Variants in SLC38A11 observed in about 807,000 individuals in gnomAD.
SLC38A11 encodes solute carrier family 38 member 11, also known as putative sodium-coupled neutral amino acid transporter 11.
SLC38A11 carries 51 observed loss-of-function variants against 49.4 expected under a neutral mutation model. That is an observed-to-expected ratio of 1.03 (90% confidence interval 0.83 to 1.30). The LOEUF is 1.30. Among genes scored for constraint, SLC38A11 ranks in the 50% most tolerant of loss-of-function variants. SLC38A11 has a pLI of 0.00. For missense variants in SLC38A11, 574 were observed against 556.2 expected (o/e 1.03, Z -0.32); for synonymous variants, 203 against 192.9 (o/e 1.05, Z -0.43).
At chr2:164,933,342 A>G (rs1573966324) in intron 7 of SLC38A11, among the ~76,000 whole-genome samples, 1 of 152,082 alleles carries the variant, frequency 6.6e-6, no homozygotes, top group South Asian at 2.1e-4. Context: ...CTGAAAAGCA[A>G]TTAAATTTCC....
chr2:164,955,477 A>G lies in SLC38A11; in HGVS notation c.-230T>C, dbSNP rs1235385380. 3 of 554,530 alleles carry G rather than the reference A, an allele frequency of 5.4e-6. No individual in the cohort carries two copies. The highest frequency in any genetic ancestry group is 2.2e-5 in the South Asian group (1 of 44,964). The allele number at this position is 554,530 out of a possible 1,614,324, so 34.4% of individuals were successfully genotyped here. ...GGCGCTTTTCCACCGGAGTTCGCCC[A>G]GACAAATGTATTTTTCCTCCGGAGA... On this transcript the variant is annotated 5_prime_UTR_variant, in exon 1 of 12. Transcript: ENST00000685975.
Position 164,916,081 on chromosome 2 carries a change from A to G in SLC38A11, c.618-108T>C, listed in dbSNP as rs1402536307. 3 of 679,112 alleles carry G rather than the reference A, an allele frequency of 4.4e-6. No individual in the cohort carries two copies. The East Asian group carries it at 7.6e-5, about 17-fold the overall frequency. 42.1% of individuals were successfully genotyped at this position (679,112 alleles called of 1,614,324 possible). On this transcript the variant is annotated intron_variant, in intron 7 of 11. Coordinates refer to ENST00000685975, the MANE Select transcript of SLC38A11 (RefSeq NM_001351537.2). The stretch of plus-strand genomic sequence containing the variant: ...AATATAAACTGAGTGTCTTTAAGCC[A>G]GAAATTAATAAGGGGCTCCCATTAA...
intron 5 of SLC38A11, among the ~76,000 whole-genome samples, chr2:164,941,739 A>G (rs1687778307): frequency 3.3e-5 from 5 of 152,128 alleles, no homozygotes; most frequent in Non-Finnish European, 7.4e-5. Context: ...TAAATTAATT[A>G]TGGTCACTCT....
At chr2:164,944,749 A>G (rs1687994457) in intron 4 of SLC38A11, 115 bp from the exon 5 acceptor site, 1 of 383,916 alleles carries the variant, frequency 2.6e-6, no homozygotes, top group African/African-American at 2.1e-5. Context: ...TACTGCTTCA[A>G]ATGTATATTA....
At chr2:164,935,674 C>A (rs1484144289) in intron 7 of SLC38A11, among the ~76,000 whole-genome samples, 1 of 151,604 alleles carries the variant, frequency 6.6e-6, no homozygotes, top group Non-Finnish European at 1.5e-5. Flanking sequence ...CAGAATGAGA[C>A]CCTGTCTCTT....
rs369727449 is a variant in SLC38A11, at chr2:164,939,430, A to G, written c.537+20T>C. On this transcript the variant is annotated intron_variant, in intron 6 of 11. Transcript: ENST00000685975. The stretch of plus-strand genomic sequence containing the variant: ...GGCAACAAGGTACATTTCTATGCCC[A>G]TTTAAAATGTAAAAATTACCTTTCC... 3.9e-4 allele frequency: 592 copies of G among 1,535,688 alleles called. No homozygotes were observed. Among genetic ancestry groups the G allele is most frequent in the Admixed American group, 5.0e-4 (29 of 57,750 alleles).
chr2:164,906,988 T>C (rs1465166257), intron 11 of SLC38A11, among the ~76,000 whole-genome samples: 1 of 152,158 alleles, frequency 6.6e-6, no homozygotes, highest in African/African-American at 2.4e-5. Flanking sequence ...CCCATCTGTA[T>C]GGGTTTGCCC....
chr2:164,952,369 C>A (rs1688580238), intron 3 of SLC38A11, among the ~76,000 whole-genome samples: 1 of 152,160 alleles, frequency 6.6e-6, no homozygotes, highest in African/African-American at 2.4e-5. Context: ...CCACGAAGCC[C>A]TGCTATCTGC....
At position 164,896,564 on chromosome 2, in the gene SLC38A11, A is replaced by G. The variant is rs1230910439; in HGVS notation, c.*1873T>C. 1 of 152,124 alleles carries G rather than the reference A, an allele frequency of 6.6e-6. No individual in the cohort carries two copies. Among genetic ancestry groups the G allele is most frequent in the African/African-American group, 2.4e-5 (1 of 41,434 alleles). The allele number at this position is 152,124 out of a possible 1,614,324, so 9.4% of individuals were successfully genotyped here. ...TTTCTTACATTTCCTCATTTCTTAC[A>G]TGGAATGAAAGCATTTTTATTATAT... On this transcript the variant is annotated 3_prime_UTR_variant, in exon 12 of 12. Transcript: ENST00000685975.
chr2:164,900,811 T>C (rs992843496), intron 11 of SLC38A11, among the ~76,000 whole-genome samples: 3 of 152,016 alleles, frequency 2.0e-5, no homozygotes, highest in Non-Finnish European at 4.4e-5. Flanking sequence ...TTTGATGTAG[T>C]CCTATTTATT....
chr2:164,936,817 A>G (rs538919215), intron 7 of SLC38A11, among the ~76,000 whole-genome samples: 187 of 148,040 alleles, frequency 1.3e-3, no homozygotes, highest in Non-Finnish European at 2.3e-3. Context: ...GGGAACTAAT[A>G]CCAATTTGTC....
At chr2:164,948,507 T>A (rs1043644961) in intron 3 of SLC38A11, among the ~76,000 whole-genome samples, 5 of 152,198 alleles carry the variant, frequency 3.3e-5, no homozygotes, top group Non-Finnish European at 7.3e-5. Flanking sequence ...ATTAAAAGAA[T>A]CAGGACTTAT....
rs760621838 is a variant in SLC38A11 at position 164,937,410 on chromosome 2, C to T, written c.557G>A (p.Gly186Asp). The change falls in exon 7 of 12, where the codon GGT becomes GAT. Residue 186 changes from glycine (G) to aspartate (D), a missense_variant. Transcript: ENST00000685975. The stretch of plus-strand genomic sequence containing the variant: ...AATTCCAAGAATCAGAGTTGTTAAA[C>T]CTGTAGAGATGAGGGAGACCTGTAA... The part of the protein sequence containing the change: ...KLGKVSLIST[G>D]LTTLILGIVM... 1 of 1,610,076 alleles carries T rather than the reference C, an allele frequency of 6.2e-7. No homozygotes were observed. Among genetic ancestry groups the T allele is most frequent in the African/African-American group, 1.3e-5 (1 of 74,802 alleles).
intron 11 of SLC38A11, among the ~76,000 whole-genome samples, chr2:164,907,270 C>CTTTTTTTTTTTTTTTT (rs60527900): frequency 2.0e-5 from 2 of 97,916 alleles, no homozygotes; most frequent in African/African-American, 7.7e-5. Flanking sequence ...CTTCTTTTCT[C>CTTTTTTTTTTTTTTTT]TTTTTTTTTT....
rs545375338 is a variant in SLC38A11, at chr2:164,937,499, T to C, written c.538-70A>G. On this transcript the variant is annotated intron_variant, in intron 6 of 11. Coordinates refer to ENST00000685975, the MANE Select transcript of SLC38A11 (RefSeq NM_001351537.2). ...TATTTTATTTAAAATGTTAAGTCTT[T>C]CTCATTTTTAATTGGGTAAACTTAC... 4.2e-5 allele frequency: 45 copies of C among 1,062,964 alleles called. No individual in the cohort carries two copies. In the Admixed American group the frequency reaches 7.5e-4, roughly 18 times the overall value. 65.8% of individuals were successfully genotyped at this position (1,062,964 alleles called of 1,614,324 possible).
At chr2:164,910,557 G>A (rs1685330887) in intron 10 of SLC38A11, among the ~76,000 whole-genome samples, 1 of 152,072 alleles carries the variant, frequency 6.6e-6, no homozygotes, top group African/African-American at 2.4e-5. Context: ...AGTTGTAAAG[G>A]ACATACACAG....
At chr2:164,948,591 T>C (rs1394290967) in intron 3 of SLC38A11, among the ~76,000 whole-genome samples, 2 of 152,198 alleles carry the variant, frequency 1.3e-5, no homozygotes, top group Non-Finnish European at 2.9e-5. Context: ...CTTCAGACCT[T>C]GCCTAAGTCA....
At chr2:164,939,679 T>A (rs1393541132) in intron 5 of SLC38A11, 123 bp from the exon 6 acceptor site, 2 of 530,262 alleles carry the variant, frequency 3.8e-6, no homozygotes, top group Non-Finnish European at 6.5e-6. Context: ...ATGACAATAA[T>A]TTTGAGTTAA....
chr2:164,946,361 A>T (rs1436618847), intron 3 of SLC38A11, among the ~76,000 whole-genome samples: 2 of 151,922 alleles, frequency 1.3e-5, no homozygotes, highest in African/African-American at 2.4e-5. Context: ...AGGTCAGGAG[A>T]TCAAGGCCAT....
Sources: allele counts gnomAD v4.1 joint callset (sites outside exome capture counted in the v4.1 genomes callset), GRCh38; gene constraint gnomAD v4.1.1; transcripts MANE v1.5; gene names NCBI Gene and HGNC (gene_info 2026-07-23, HGNC 2026-07-21).